DSPP: variants seen among roughly 807,000 people sequenced by gnomAD.
DSPP encodes the protein deafness, autosomal dominant 39.
DSPP carries 28 observed loss-of-function variants against 29.1 expected under a neutral mutation model. That is an observed-to-expected ratio of 0.96 (90% CI 0.71 to 1.32). The LOEUF is 1.32. DSPP is among the 40% of genes most tolerant of loss of function. DSPP has a pLI of 0.00. For synonymous variants in DSPP, 481 were observed against 503.4 expected (o/e 0.96, Z 0.60); for missense variants, 1,281 against 1,629.9 (o/e 0.79, Z 3.69).
Position 87,612,302 on chromosome 4 carries a change from T to TTGAA in DSPP, c.136-18_136-15dup, listed in dbSNP as rs539760943. On this transcript the variant is annotated intron_variant, in intron 3 of 4. Transcript: ENST00000651931. The stretch of plus-strand genomic sequence containing the variant: ...CAAGATCATTGATACTTATAATTGA[T>TTGAA]TGAATTGTTTCTTTTTCAGGATGAG... 1.0e-4 allele frequency: 163 copies of TTGAA among 1,613,660 alleles called. No individual in the cohort carries two copies. The South Asian group carries it at 1.7e-3, about 17-fold the overall frequency.
Position 87,615,666 on chromosome 4 carries a change from A to AGCAGTG in DSPP, c.3004_3005insGCAGTG (p.Asn1002delinsSerSerAsp), listed in dbSNP as rs1727878174. ...CAGCAGTGACAGCAGTGATAGCAGC[A>AGCAGTG]ACAGCAGTGATAGCAGTGACAGCAG... On this transcript the variant is annotated protein_altering_variant, in exon 5 of 5. Transcript: ENST00000651931. 2 of 1,531,860 alleles carry AGCAGTG rather than the reference A, an allele frequency of 1.3e-6. No homozygotes were observed. The highest frequency in any genetic ancestry group is 1.5e-5 in the African/African-American group (1 of 66,352). 94.9% of individuals were successfully genotyped at this position (1,531,860 alleles called of 1,614,324 possible). A position where few individuals can be genotyped will look rare whatever the true frequency, so the allele number is the denominator to read the frequency against.
chr4:87,611,197 A>G (rs546568552), intron 2 of DSPP, among the ~76,000 whole-genome samples: 1 of 152,234 alleles, frequency 6.6e-6, no homozygotes, highest in African/African-American at 2.4e-5. Context: ...AACCACTCCA[A>G]TTCATCGTCT....
In DSPP at chr4:87,614,843, C is replaced by T. The variant is rs536349509; in HGVS notation, c.2181C>T (p.Asp727=). Residue 727 remains aspartate (D), a synonymous_variant, in exon 5 of 5, where the codon GAC becomes GAT. Transcript: ENST00000651931. ...GTAATAGTAACAGCAGCGATAGTGA[C>T]AGCAGCAACAGCAGCGATAGCAGTG... ...DSSNSNSSDS[D]SSNSSDSSDS... 44 of 1,550,368 alleles carry T rather than the reference C, an allele frequency of 2.8e-5. No individual in the cohort carries two copies. Among genetic ancestry groups the T allele is most frequent in the Admixed American group, 5.9e-5 (3 of 50,878 alleles).
chr4:87,612,236 A>G, intron 3 of DSPP, 48 bp downstream of exon 3: 1 of 1,612,242 alleles, frequency 6.2e-7, no homozygotes, highest in Non-Finnish European at 8.5e-7. Context: ...CTGAGTTGCT[A>G]CATTCCATTA....
Position 87,616,227 on chromosome 4 carries a change from A to G in DSPP, c.3565A>G (p.Ser1189Gly), listed in dbSNP as rs1342189748. The G allele has an allele frequency of 6.5e-7, 1 of 1,529,776 alleles. No homozygotes were observed. The highest frequency in any genetic ancestry group is 8.8e-7 in the Non-Finnish European group (1 of 1,133,278). The allele number at this position is 1,529,776 out of a possible 1,614,324, so 94.8% of individuals were successfully genotyped here. ...CAGTGATAGCAGCGACAGCAGTGATAGCAGTGACAGCAGCGACAGCAGCGA... is the reference window on the plus strand; with the variant it reads ...CAGTGATAGCAGCGACAGCAGTGATGGCAGTGACAGCAGCGACAGCAGCGA... ...NSSDSSDSSD[S>G]SDSSDSSDSS... Residue 1189 changes from serine (S) to glycine (G), a missense_variant, in exon 5 of 5, where the codon AGC becomes GGC. This residue lies in a region of DSPP where 134 missense variants were observed against 185.0 expected (regional missense o/e 0.72). Transcript: ENST00000651931.
chr4:87,610,287 A>C (rs961581635), intron 1 of DSPP, among the ~76,000 whole-genome samples: 28 of 152,214 alleles, frequency 1.8e-4, no homozygotes, highest in African/African-American at 6.5e-4. Context: ...ACTTCAGGAT[A>C]ATCCTGAGGT....
Position 87,612,184 on chromosome 4 carries a change from T to C in DSPP, c.131T>C (p.Val44Ala), listed in dbSNP as rs1483974640. The C allele has an allele frequency of 1.2e-6, 2 of 1,614,064 alleles. No individual in the cohort carries two copies. The highest frequency in any genetic ancestry group is 8.5e-7 in the Non-Finnish European group (1 of 1,179,932). The stretch of plus-strand genomic sequence containing the variant: ...CTCCTAGCAAGATCAAATGTGTCAG[T>C]ACAGGTATAGGATGTAATATATTTC... ...LHLLARSNVS[V>A]QDELNASGTI... is the part of the protein sequence containing the mutation. Residue 44 changes from valine (V) to alanine (A), a missense_variant, in exon 3 of 5, where the codon GTA (valine) becomes GCA (alanine). Val to Ala is a moderately conservative substitution (Grantham distance 64). Transcript: ENST00000651931.
chr4:87,612,862 G>C lies in DSPP; in HGVS notation c.676G>C (p.Glu226Gln). The C allele has an allele frequency of 6.2e-7, 1 of 1,614,162 alleles. No homozygotes were observed. The highest frequency in any genetic ancestry group is 8.5e-7 in the Non-Finnish European group (1 of 1,180,026). The change falls in exon 4 of 5, where the codon GAA becomes CAA. Residue 226 changes from glutamate (E) to glutamine (Q), a missense_variant. Glu to Gln is a conservative substitution (Grantham distance 29). Coordinates refer to ENST00000651931, the MANE Select transcript of DSPP (RefSeq NM_014208.3). ...QINSKRNGTK[E>Q]AEVTPGTGED... ...CAACAGCAAGAGAAATGGGACTAAG[G>C]AAGCTGAGGTAACACCAGGCACTGG...
In DSPP at chr4:87,612,474, T is replaced by A. The variant is rs761524970; in HGVS notation, c.288T>A (p.Tyr96Ter). Residue 96 changes from tyrosine to a stop codon, truncating the protein, a stop_gained, in exon 4 of 5, where the codon TAT becomes TAA. Transcript: ENST00000651931. LOFTEE classifies it high-confidence loss of function. ...TAGGAGGGAAGAGTTTTTCTACATA[T>A]TCCACATTAGCAAACGAAGAGGGGA... ...AEVGGKSFST[Y>*]STLANEEGNI... is the part of the protein sequence containing the mutation. 5 of 1,613,904 alleles carry A rather than the reference T, an allele frequency of 3.1e-6. No homozygotes were observed. The South Asian group carries it at 4.4e-5, about 14-fold the overall frequency.
chr4:87,614,157 A>G lies in DSPP; in HGVS notation c.1495A>G (p.Lys499Glu). ...GDASYNSDES[K>E]DNGNGSDSKG... Reference sequence around the variant, plus strand: ...TGCTTCTTATAACTCTGATGAATCAAAAGATAATGGCAATGGCAGTGACTC... The same window carrying G: ...TGCTTCTTATAACTCTGATGAATCAGAAGATAATGGCAATGGCAGTGACTC... The change falls in exon 5 of 5, where the codon AAA becomes GAA. Residue 499 changes from lysine to glutamate, a missense_variant. Lys to Glu is a moderately conservative substitution (Grantham distance 56). Coordinates refer to ENST00000651931, the MANE Select transcript of DSPP (RefSeq NM_014208.3). 6.8e-6 allele frequency: 11 copies of G among 1,614,280 alleles called. No homozygotes were observed. The highest frequency in any genetic ancestry group is 1.1e-5 in the South Asian group (1 of 91,090).
At chr4:87,613,471 GAAC>G (rs1727782022) in intron 4 of DSPP, among the ~76,000 whole-genome samples, 163 bp downstream of exon 4, 1 of 152,150 alleles carries the variant, frequency 6.6e-6, no homozygotes, top group Non-Finnish European at 1.5e-5. Context: ...CTTCGAGATA[GAAC>G]AACTTTAAAC....
At position 87,613,036 on chromosome 4, in the gene DSPP, G is replaced by A. The variant is rs1414250501; in HGVS notation, c.850G>A (p.Asp284Asn). Reference sequence around the variant, plus strand: ...TAACAGCAAGGGCCAGGAGGGCCAGGACCATGGGAAAGAAGATGATCATGA... The same window carrying A: ...TAACAGCAAGGGCCAGGAGGGCCAGAACCATGGGAAAGAAGATGATCATGA... Reference protein sequence around the residue: ...SNNSKGQEGQDHGKEDDHDSS... With the variant: ...SNNSKGQEGQNHGKEDDHDSS... The change falls in exon 4 of 5, where the codon GAC (aspartate) becomes AAC (asparagine). Residue 284 changes from aspartate (D) to asparagine (N), a missense_variant. Asp to Asn is a conservative substitution (Grantham distance 23). Around this residue, in one of 4 missense-constraint regions of DSPP, gnomAD observed 631 missense variants for 643.2 expected, o/e 0.98. Transcript: ENST00000651931. 5 of 1,614,008 alleles carry A rather than the reference G, an allele frequency of 3.1e-6. No homozygotes were observed. Among genetic ancestry groups the A allele is most frequent in the Non-Finnish European group, 4.2e-6 (5 of 1,180,044 alleles).
intron 2 of DSPP, among the ~76,000 whole-genome samples, chr4:87,611,745 G>C (rs1727738350): frequency 6.6e-6 from 1 of 152,120 alleles, no homozygotes; most frequent in Non-Finnish European, 1.5e-5. Context: ...ACTTAGAGCG[G>C]GTTTGTGCTA....
rs371905328 is a variant in DSPP at position 87,612,137 on chromosome 4, C to T, written c.84C>T (p.Val28=). The change falls in exon 3 of 5, where the codon GTC becomes GTT. Residue 28 remains valine, a synonymous_variant. Coordinates refer to ENST00000651931, the MANE Select transcript of DSPP (RefSeq NM_014208.3). ...AAAGCAAACCACTGGAGAGACATGTCGAAAAATCCATGAATTTGCATCTCC... is the reference window on the plus strand; with the variant it reads ...AAAGCAAACCACTGGAGAGACATGTTGAAAAATCCATGAATTTGCATCTCC... ...VPQSKPLERH[V]EKSMNLHLLA... is the part of the protein sequence containing the mutation. 4.6e-5 allele frequency: 75 copies of T among 1,613,682 alleles called. No individual in the cohort carries two copies. The highest frequency in any genetic ancestry group is 1.6e-4 in the Middle Eastern group (1 of 6,076).
chr4:87,611,030 A>AGTGTGTGT (rs33940466), intron 2 of DSPP, 71 bp downstream of exon 2: 18,890 of 819,362 alleles, frequency 0.023, 195 homozygotes, highest in African/African-American at 0.08. Flanking sequence ...TACAAAATGT[A>AGTGTGTGT]GTGTGTGTGT....
rs552287203 is a variant in DSPP at position 87,609,245 on chromosome 4, A to C, written c.-29+625A>C. 3.2e-4 allele frequency among the ~76,000 whole-genome samples: 48 copies of C among 152,316 alleles called. 1 individual carries two copies. Among genetic ancestry groups the C allele is most frequent in the African/African-American group, 1.1e-3 (46 of 41,562 alleles). ...GGTGATAACCATCATGGAATTGTTC[A>C]GGAGTGGAGCTGAAAGAGAGATGTA... On this transcript the variant is annotated intron_variant, in intron 1 of 4. Coordinates refer to ENST00000651931, the MANE Select transcript of DSPP (RefSeq NM_014208.3).
Position 87,612,663 on chromosome 4 carries a change from T to A in DSPP, c.477T>A (p.Asp159Glu). 1.2e-6 allele frequency: 2 copies of A among 1,614,008 alleles called. No homozygotes were observed. The highest frequency in any genetic ancestry group is 1.7e-6 in the Non-Finnish European group (2 of 1,179,990). ...TNRSNTNGNT[D>E]KNTQNGDVGD... ...GAAGCAACACTAATGGAAATACTGA[T>A]AAGAATACCCAAAATGGGGATGTTG... The change falls in exon 4 of 5, where the codon GAT (aspartate) becomes GAA (glutamate). Residue 159 changes from aspartate (D) to glutamate (E), a missense_variant. Coordinates refer to ENST00000651931, the MANE Select transcript of DSPP (RefSeq NM_014208.3).
At chr4:87,609,062 T>C (rs1727687033) in intron 1 of DSPP, among the ~76,000 whole-genome samples, 1 of 152,252 alleles carries the variant, frequency 6.6e-6, no homozygotes, top group South Asian at 2.1e-4. Flanking sequence ...ATGCCAAATC[T>C]AATTGCTAAA....
Position 87,611,029 on chromosome 4 carries a change from TAGTGTGTGTG to T in DSPP, c.51+71_51+80del. 10 of 1,031,170 alleles carry T rather than the reference TAGTGTGTGTG, an allele frequency of 9.7e-6. No homozygotes were observed. The African/African-American group carries it at 2.2e-4, about 23-fold the overall frequency. 63.9% of individuals were successfully genotyped at this position (1,031,170 alleles called of 1,614,324 possible). On this transcript the variant is annotated intron_variant, in intron 2 of 4. Coordinates refer to ENST00000651931, the MANE Select transcript of DSPP (RefSeq NM_014208.3). ...TTTAACCTAACATTAATACAAAATG[TAGTGTGTGTG>T]TGTGTGTGTGTGTGTGTGTGTGTGC... is the stretch of plus-strand genomic sequence containing the variant.
Sources: allele counts gnomAD v4.1 joint callset (sites outside exome capture counted in the v4.1 genomes callset), GRCh38; gene constraint gnomAD v4.1.1; regional missense constraint gnomAD v4.1.1; transcripts MANE v1.5; gene names NCBI Gene and HGNC (gene_info 2026-07-23, HGNC 2026-07-21).